The following STPG1 variants were observed in gnomAD, a reference collection of about 807,000 sequenced individuals.
STPG1 encodes O(6)-methylguanine-induced apoptosis 2.
Under a neutral mutation model 40.1 loss-of-function variants are expected in STPG1, and 33 were observed. The observed-to-expected ratio is 0.82, with a 90% CI of 0.62 to 1.10. The LOEUF (loss-of-function observed/expected upper bound fraction) is 1.10. Among genes scored for constraint, STPG1 ranks in the 50% least tolerant of loss-of-function variants. The probability of loss-of-function intolerance (pLI) is 0.00; values close to 1 mark genes in which losing one functional copy is unlikely to be tolerated. For missense variants in STPG1, 396 were observed against 415.1 expected (o/e 0.95, Z 0.40); for synonymous variants, 150 against 155.0 (o/e 0.97, Z 0.24).
Position 24,379,824 on chromosome 1 carries a change from C to G in STPG1, c.292-1G>C, listed in dbSNP as rs1156454526. On this transcript the variant is annotated splice_acceptor_variant, in intron 4 of 8. Transcript: ENST00000337248. LOFTEE classifies it high-confidence loss of function. ...AAATGATGGTGTCCAATCGGGCGCA[C>G]TGTAAGGAGACAACCAAAGGAATCA... The G allele has an allele frequency of 6.2e-7, 1 of 1,613,318 alleles. No homozygotes were observed. The highest frequency in any genetic ancestry group is 8.5e-7 in the Non-Finnish European group (1 of 1,179,492).
At chr1:24,387,091 A>C (rs866358672) in intron 3 of STPG1, among the ~76,000 whole-genome samples, 1 of 152,174 alleles carries the variant, frequency 6.6e-6, no homozygotes, top group South Asian at 2.1e-4. Flanking sequence ...ACAAACCTTC[A>C]GAGTGGGACT....
At chr1:24,373,594 C>A in intron 6 of STPG1, 108 bp downstream of exon 6, 1 of 765,894 alleles carries the variant, frequency 1.3e-6, no homozygotes, top group South Asian at 1.6e-5. Context: ...CCTCCCCACC[C>A]AAAGACTAAA....
chr1:24,360,956 C>T lies in STPG1; in HGVS notation c.823G>A (p.Val275Met), dbSNP rs528552913. ...TGCTTGCGGGGGCCTAAGTAGTCCACGATCTCATACTGACCAGGACCTGGG... is the reference window on the plus strand; with the variant it reads ...TGCTTGCGGGGGCCTAAGTAGTCCATGATCTCATACTGACCAGGACCTGGG... ...PFPGPGQYEI[V>M]DYLGPRKHFI... The change falls in exon 8 of 9, where the codon GTG becomes ATG. Residue 275 changes from valine (V) to methionine (M), a missense_variant. Val to Met is a conservative substitution (Grantham distance 21). Transcript: ENST00000337248. The T allele has an allele frequency of 1.6e-5, 26 of 1,613,968 alleles. 1 individual carries two copies. The highest frequency in any genetic ancestry group is 6.6e-5 in the South Asian group (6 of 90,984).
chr1:24,400,110 C>A (rs1424836232), intron 2 of STPG1, among the ~76,000 whole-genome samples: 1 of 152,160 alleles, frequency 6.6e-6, no homozygotes, highest in Non-Finnish European at 1.5e-5. Context: ...TAGCCCCAAA[C>A]TGGAAACAAC....
intron 1 of STPG1, among the ~76,000 whole-genome samples, chr1:24,411,301 A>G (rs1190010156): frequency 6.6e-6 from 1 of 152,182 alleles, no homozygotes; most frequent in Non-Finnish European, 1.5e-5. Context: ...ACATTAGAAG[A>G]AAAGTGGAAT....
chr1:24,411,443 T>C (rs1202274114), intron 1 of STPG1, among the ~76,000 whole-genome samples: 2 of 152,152 alleles, frequency 1.3e-5, no homozygotes, highest in African/African-American at 2.4e-5. Flanking sequence ...GATTGGTTTG[T>C]TATTATTATT....
At position 24,357,713 on chromosome 1, in the gene STPG1, G is replaced by A. The variant is rs908539226; in HGVS notation, c.*830C>T. The stretch of plus-strand genomic sequence containing the variant: ...AGCCTGGCAGCTCCCCACCCACCGC[G>A]AATCTGTGCAGCCTCCACCAAAACC... On this transcript the variant is annotated 3_prime_UTR_variant, in exon 9 of 9. Coordinates refer to ENST00000337248, the MANE Select transcript of STPG1 (RefSeq NM_001199013.2). 9 of 167,018 alleles carry A rather than the reference G, an allele frequency of 5.4e-5. No homozygotes were observed. Among genetic ancestry groups the A allele is most frequent in the East Asian group, 1.7e-4 (1 of 5,936 alleles). The allele number at this position is 167,018 out of a possible 1,614,324, so 10.3% of individuals were successfully genotyped here. A position where few individuals can be genotyped will look rare whatever the true frequency, so the allele number is the denominator to read the frequency against.
intron 2 of STPG1, among the ~76,000 whole-genome samples, chr1:24,393,333 T>G (rs1642859500): frequency 6.6e-6 from 1 of 152,192 alleles, no homozygotes; most frequent in African/African-American, 2.4e-5. Flanking sequence ...ATACAGTAAA[T>G]GTATTCTTCT....
At chr1:24,412,636 A>G (rs1261862461) in intron 1 of STPG1, among the ~76,000 whole-genome samples, 24 of 152,176 alleles carry the variant, frequency 1.6e-4, no homozygotes, top group Admixed American at 1.6e-3. Context: ...AGGGGGAAGG[A>G]TGGCTTGAGA....
Position 24,358,081 on chromosome 1 carries a change from A to T in STPG1, c.*462T>A, listed in dbSNP as rs1640839281. The T allele has an allele frequency of 2.6e-6, 1 of 389,858 alleles. No individual in the cohort carries two copies. The highest frequency in any genetic ancestry group is 5.2e-6 in the Non-Finnish European group (1 of 192,934). The allele number at this position is 389,858 out of a possible 1,614,324, so 24.1% of individuals were successfully genotyped here. On this transcript the variant is annotated 3_prime_UTR_variant, in exon 9 of 9. Coordinates refer to ENST00000337248, the MANE Select transcript of STPG1 (RefSeq NM_001199013.2). ...AGTGAGTGAGGTCAGAAAGGGACAA[A>T]TGAGAAAGGCAGGAGTGAGGGAATG... is the stretch of plus-strand genomic sequence containing the variant.
intron 3 of STPG1, among the ~76,000 whole-genome samples, chr1:24,390,884 C>T (rs997322124): frequency 1.4e-4 from 10 of 74,056 alleles, no homozygotes; most frequent in African/African-American, 5.0e-4. Context: ...AATGCAGCCT[C>T]GACCTCCTCG....
At chr1:24,403,099 C>T (rs547101474) in intron 1 of STPG1, among the ~76,000 whole-genome samples, 1 of 152,202 alleles carries the variant, frequency 6.6e-6, no homozygotes, top group East Asian at 1.9e-4. Flanking sequence ...ACATTTAGGC[C>T]TAGGATCCAT....
At chr1:24,411,050 G>A (rs1322835123) in intron 1 of STPG1, among the ~76,000 whole-genome samples, 1 of 152,164 alleles carries the variant, frequency 6.6e-6, no homozygotes, top group Non-Finnish European at 1.5e-5. Context: ...TCCATGTGAA[G>A]TGGTTAACAC....
chr1:24,399,112 A>C lies in STPG1; in HGVS notation c.70+2207T>G, dbSNP rs1205924088. On this transcript the variant is annotated intron_variant, in intron 2 of 8. Coordinates refer to ENST00000337248, the MANE Select transcript of STPG1 (RefSeq NM_001199013.2). This position sits in a 1 kb window ranked among gnomAD's most constrained non-coding sequence, Gnocchi z 4.0. ...AAATTAAAAATAAAAAAGTAAAATA[A>C]ATTTATATGGAAATGCACTGGGGTC... Among the ~76,000 whole-genome samples the C allele has an allele frequency of 6.6e-6, 1 of 152,136 alleles. No homozygotes were observed. The highest frequency in any genetic ancestry group is 6.5e-5 in the Admixed American group (1 of 15,276).
chr1:24,358,087 A>G lies in STPG1; in HGVS notation c.*456T>C, dbSNP rs1177877659. 2.6e-6 allele frequency: 1 copy of G among 392,136 alleles called. No homozygotes were observed. The highest frequency in any genetic ancestry group is 2.8e-5 in the Admixed American group (1 of 35,658). The allele number at this position is 392,136 out of a possible 1,614,324, so 24.3% of individuals were successfully genotyped here. On this transcript the variant is annotated 3_prime_UTR_variant, in exon 9 of 9. Coordinates refer to ENST00000337248, the MANE Select transcript of STPG1 (RefSeq NM_001199013.2). ...TGAGGTCAGAAAGGGACAAATGAGAAAGGCAGGAGTGAGGGAATGAATGAA... is the reference window on the plus strand; with the variant it reads ...TGAGGTCAGAAAGGGACAAATGAGAGAGGCAGGAGTGAGGGAATGAATGAA...
chr1:24,375,307 T>G (rs1008756286), intron 5 of STPG1, among the ~76,000 whole-genome samples: 2 of 152,220 alleles, frequency 1.3e-5, no homozygotes, highest in African/African-American at 4.8e-5. Flanking sequence ...AACCTGTGAT[T>G]GCTGGGGATA....
chr1:24,365,795 A>G (rs1189516098), intron 7 of STPG1, among the ~76,000 whole-genome samples: 1 of 146,476 alleles, frequency 6.8e-6, no homozygotes, highest in Non-Finnish European at 1.5e-5. Flanking sequence ...CTTTGAACCC[A>G]CTGGGAGTTA....
At chr1:24,371,370 T>C (rs1021853682) in intron 6 of STPG1, among the ~76,000 whole-genome samples, 1 of 152,106 alleles carries the variant, frequency 6.6e-6, no homozygotes, top group Non-Finnish European at 1.5e-5. Flanking sequence ...GGCAGAACAC[T>C]TGAGGTCAGG....
chr1:24,373,645 A>G (rs1160810441), intron 6 of STPG1, 57 bp downstream of exon 6: 1 of 1,226,680 alleles, frequency 8.2e-7, no homozygotes, highest in East Asian at 2.4e-5. Context: ...GTGCCCTGCA[A>G]ATCAAATCTG....
Sources: gnomAD v4.1 joint callset for allele counts (sites outside exome capture counted in the v4.1 genomes callset) on GRCh38, gnomAD v4.1.1 for gene constraint, Gnocchi (gnomAD v3.1) non-coding constraint, MANE v1.5 for transcripts, NCBI Gene and HGNC (gene_info 2026-07-23, HGNC 2026-07-21) for gene names.